PCDH11X: variants seen among roughly 807,000 people sequenced by gnomAD.
PCDH11X encodes protocadherin-11 X-linked.
PCDH11X carries 18 observed loss-of-function variants against 53.3 expected under a neutral mutation model. The observed-to-expected ratio is 0.34, with a 90% CI of 0.23 to 0.50. PCDH11X has a LOEUF of 0.50. Ranked by LOEUF, PCDH11X falls within the 20% of genes least tolerant of loss-of-function variation. The probability of loss-of-function intolerance (pLI) is 0.98; values close to 1 mark genes in which losing one functional copy is unlikely to be tolerated. For missense variants in PCDH11X, 570 were observed against 1,032.4 expected, an observed-to-expected ratio of 0.55 and a Z score of 6.14; for synonymous variants, 279 against 393.3, an observed-to-expected ratio of 0.71 and a Z score of 3.44.
At position 91,878,391 on chromosome X, in the gene PCDH11X, A is replaced by G; in HGVS notation, c.2151A>G (p.Gly717=). 1 of 1,204,496 alleles carries G rather than the reference A, an allele frequency of 8.3e-7. No homozygotes were observed. Among genetic ancestry groups the G allele is most frequent in the Non-Finnish European group, 1.1e-6 (1 of 891,685 alleles). The change falls in exon 6 of 11, where the codon GGA becomes GGG. Residue 717 remains glycine (G), a synonymous_variant. Transcript: ENST00000682573. ...CAGAGGTTCGTTACAGCATTGTAGG[A>G]GGAAACACAAGAGATCTGTTTGCAA... ...MNAEVRYSIV[G]GNTRDLFAID...
chrX:91,819,566 T>C (rs1283557568), intron 4 of PCDH11X, among the ~76,000 whole-genome samples: 2 of 110,316 alleles, frequency 1.8e-5, no homozygotes, highest in Non-Finnish European at 3.8e-5. Context: ...GTTGTAGTCA[T>C]ATATTCTTGG....
chrX:92,138,962 A>C (rs746770514), intron 6 of PCDH11X, among the ~76,000 whole-genome samples: 1 of 108,978 alleles, frequency 9.2e-6, no homozygotes, highest in Admixed American at 1.0e-4. Flanking sequence ...TCACATGTAC[A>C]CAACACATTT....
intron 6 of PCDH11X, chrX:92,113,968 A>T: frequency 1.7e-6 from 2 of 1,208,812 alleles, no homozygotes; most frequent in Non-Finnish European, 2.2e-6. Flanking sequence ...CCGGTTAAGC[A>T]TATCAAACAC....
At chrX:91,917,683 C>T in intron 6 of PCDH11X, among the ~76,000 whole-genome samples, 1 of 92,979 alleles carries the variant, frequency 1.1e-5, no homozygotes, top group Non-Finnish European at 2.1e-5. Context: ...ATCGACAACA[C>T]AAATAGAAAC....
chrX:91,993,207 A>G (rs2062355672), intron 6 of PCDH11X, among the ~76,000 whole-genome samples: 1 of 112,930 alleles, frequency 8.9e-6, no homozygotes, highest in African/African-American at 3.2e-5. Flanking sequence ...GCAAAGAAGA[A>G]CATAACACAC....
chrX:91,783,006 C>T (rs1935210958), intron 1 of PCDH11X, among the ~76,000 whole-genome samples: 1 of 111,549 alleles, frequency 9.0e-6, no homozygotes, highest in African/African-American at 3.3e-5. Context: ...GAATTACCTT[C>T]CAAAGGAAAA....
chrX:92,556,762 A>T (rs1052034840), intron 10 of PCDH11X, among the ~76,000 whole-genome samples: 2 of 106,636 alleles, frequency 1.9e-5, no homozygotes, highest in Non-Finnish European at 3.9e-5. Flanking sequence ...CAGTGCCCCA[A>T]AGGGGACTTT....
chrX:91,852,008 C>CTTTTTTTTTTTTTTTTTTTTTTTTTT (rs59675485), intron 5 of PCDH11X, among the ~76,000 whole-genome samples: 1 of 94,475 alleles, frequency 1.1e-5, no homozygotes. Context: ...ATTAGGAATT[C>CTTTTTTTTTTTTTTTTTTTTTTTTTT]TTTTTTTTTT....
intron 7 of PCDH11X, among the ~76,000 whole-genome samples, chrX:92,238,978 A>T (rs760372483): frequency 5.5e-4 from 61 of 111,378 alleles, no homozygotes; most frequent in African/African-American, 1.9e-3. Context: ...TTGATATGTT[A>T]CCTTTCTTCA....
At chrX:91,907,218 A>C (rs1431457000) in intron 6 of PCDH11X, among the ~76,000 whole-genome samples, 1 of 108,323 alleles carries the variant, frequency 9.2e-6, no homozygotes, top group Non-Finnish European at 1.9e-5. Context: ...TATTACAATG[A>C]TTTTAGTGTT....
chrX:92,589,169 T>A (rs1055241241), intron 10 of PCDH11X, among the ~76,000 whole-genome samples: 2 of 111,756 alleles, frequency 1.8e-5, no homozygotes, highest in African/African-American at 6.5e-5. Context: ...CATATTTCAT[T>A]AACACCAGAC....
At chrX:92,262,301 A>G (rs1175450955) in intron 7 of PCDH11X, among the ~76,000 whole-genome samples, 2 of 111,702 alleles carry the variant, frequency 1.8e-5, no homozygotes, top group East Asian at 5.6e-4. Flanking sequence ...TAAAAAGAAC[A>G]GGGAATTAAG....
At chrX:92,605,966 T>C (rs1295741129) in intron 10 of PCDH11X, among the ~76,000 whole-genome samples, 1 of 110,869 alleles carries the variant, frequency 9.0e-6, no homozygotes, top group Non-Finnish European at 1.9e-5. Context: ...GTGCAGTGGC[T>C]GACGCCTGTA....
intron 6 of PCDH11X, among the ~76,000 whole-genome samples, chrX:92,082,747 G>A (rs1254232876): frequency 9.0e-6 from 1 of 111,525 alleles, no homozygotes; most frequent in Non-Finnish European, 1.9e-5. Flanking sequence ...AATTACAGAA[G>A]CATTAACATG....
At chrX:92,221,677 T>C (rs929440228) in intron 7 of PCDH11X, among the ~76,000 whole-genome samples, 2 of 111,771 alleles carry the variant, frequency 1.8e-5, no homozygotes, top group African/African-American at 6.5e-5. Context: ...GTAGCAAATA[T>C]TAGTTACTTT....
At chrX:92,558,265 A>G (rs2075076640) in intron 10 of PCDH11X, among the ~76,000 whole-genome samples, 1 of 110,570 alleles carries the variant, frequency 9.0e-6, no homozygotes, top group Non-Finnish European at 1.9e-5. Flanking sequence ...ACGCAGGTTG[A>G]GTTGTTTTTT....
At chrX:91,969,798 A>C (rs1032715129) in intron 6 of PCDH11X, among the ~76,000 whole-genome samples, 5 of 106,814 alleles carry the variant, frequency 4.7e-5, no homozygotes, top group African/African-American at 1.4e-4. Context: ...CTTGTCTCAA[A>C]AAAAAAAAAA....
At chrX:92,257,471 A>G (rs749430691) in intron 7 of PCDH11X, among the ~76,000 whole-genome samples, 1 of 111,859 alleles carries the variant, frequency 8.9e-6, no homozygotes, top group Non-Finnish European at 1.9e-5. Context: ...TCAAAAATCC[A>G]AAGTCCAAAG....
chrX:92,223,738 T>G (rs963713149), intron 7 of PCDH11X, among the ~76,000 whole-genome samples: 5 of 111,909 alleles, frequency 4.5e-5, no homozygotes, highest in Non-Finnish European at 9.4e-5. Flanking sequence ...ATAATTAGAT[T>G]TATTTAATCA....
Sources: allele counts gnomAD v4.1 joint callset (sites outside exome capture counted in the v4.1 genomes callset), GRCh38; gene constraint gnomAD v4.1.1; transcripts MANE v1.5; gene names NCBI Gene and HGNC (gene_info 2026-07-23, HGNC 2026-07-21).